The following GRIN3A variants were observed in gnomAD, a reference collection of about 807,000 sequenced individuals.
GRIN3A encodes glutamate receptor ionotropic, NMDA 3A.
Under a neutral mutation model 92.4 loss-of-function variants are expected in GRIN3A, and 47 were observed. The ratio of observed to expected loss-of-function variants is 0.51; its 90% CI spans 0.40 to 0.65. GRIN3A has a LOEUF of 0.65. Among genes scored for constraint, GRIN3A ranks in the 30% least tolerant of loss-of-function variants. The pLI is 0.00. For missense variants in GRIN3A, 1,324 were observed against 1,393.1 expected, an observed-to-expected ratio of 0.95 and a Z score of 0.79; for synonymous variants, 527 against 540.6, an observed-to-expected ratio of 0.97 and a Z score of 0.35.
intron 3 of GRIN3A, among the ~76,000 whole-genome samples, chr9:101,642,251 T>G (rs1182280164): frequency 2.0e-5 from 3 of 152,184 alleles, no homozygotes; most frequent in Non-Finnish European, 4.4e-5. Context: ...CAATAAATGA[T>G]GTTATAGAAA....
At chr9:101,656,332 G>A (rs1829088156) in intron 3 of GRIN3A, among the ~76,000 whole-genome samples, 1 of 151,940 alleles carries the variant, frequency 6.6e-6, no homozygotes, top group African/African-American at 2.4e-5. Context: ...GGCAAGCTAG[G>A]ACTCTGAGTC....
At chr9:101,649,440 G>A (rs1044254345) in intron 3 of GRIN3A, among the ~76,000 whole-genome samples, 1 of 151,944 alleles carries the variant, frequency 6.6e-6, no homozygotes, top group Non-Finnish European at 1.5e-5. Context: ...CATCCCCAGT[G>A]GTTCCCATGA....
In GRIN3A at chr9:101,573,389, C is replaced by T. The variant is rs1402121474; in HGVS notation, c.3133G>A (p.Asp1045Asn). 1 of 1,614,004 alleles carries T rather than the reference C, an allele frequency of 6.2e-7. No homozygotes were observed. The highest frequency in any genetic ancestry group is 1.3e-5 in the African/African-American group (1 of 74,998). The change falls in exon 9 of 9, where the codon GAC becomes AAC. Residue 1045 changes from aspartate to asparagine, a missense_variant. Physicochemically the swap from Asp to Asn is conservative, Grantham distance 23. Transcript: ENST00000361820. ...QNQLGIRIHQDIPLPPRRREL... is the reference protein window; with the variant it reads ...QNQLGIRIHQNIPLPPRRREL... ...CTTCTCCTTGGAGGGAGGGGGATGT[C>T]CTGGTGGATCCGGATGCCCAGCTGG...
At chr9:101,671,476 C>T (rs1245127027) in intron 2 of GRIN3A, among the ~76,000 whole-genome samples, 1 of 152,172 alleles carries the variant, frequency 6.6e-6, no homozygotes, top group Admixed American at 6.5e-5. Context: ...GCATCTTTAA[C>T]ATATCCTATT....
At chr9:101,604,374 T>A (rs536673936) in intron 6 of GRIN3A, among the ~76,000 whole-genome samples, 1 of 152,348 alleles carries the variant, frequency 6.6e-6, no homozygotes, top group East Asian at 1.9e-4. Flanking sequence ...GGCCTAATTT[T>A]ACTCCATGTC....
Position 101,671,023 on chromosome 9 carries a change from A to G in GRIN3A, c.1389T>C (p.Phe463=), listed in dbSNP as rs1353214943. The change falls in exon 3 of 9, where the codon TTT becomes TTC. Residue 463 remains phenylalanine, a synonymous_variant. Coordinates refer to ENST00000361820, the MANE Select transcript of GRIN3A (RefSeq NM_133445.3). ...GSTIVSSENN[F]FIWNLQHDPM... ...GGTCATGTTGAAGATTCCAGATGAA[A>G]AAGTTGTTTTCTGAGCTGACGATGG... 1.9e-6 allele frequency: 3 copies of G among 1,613,962 alleles called. No homozygotes were observed. Among genetic ancestry groups the G allele is most frequent in the East Asian group, 2.2e-5 (1 of 44,852 alleles).
At chr9:101,609,623 T>C (rs1261199132) in intron 6 of GRIN3A, among the ~76,000 whole-genome samples, 2 of 152,212 alleles carry the variant, frequency 1.3e-5, no homozygotes, top group South Asian at 4.1e-4. Context: ...GTGTGTTCGC[T>C]TCTGTGTGTC....
At chr9:101,691,053 G>A (rs1012844892) in intron 1 of GRIN3A, among the ~76,000 whole-genome samples, 4 of 151,966 alleles carry the variant, frequency 2.6e-5, no homozygotes, top group South Asian at 2.1e-4. Context: ...CGTATTTTTA[G>A]TTTTAAACAC....
intron 5 of GRIN3A, among the ~76,000 whole-genome samples, chr9:101,622,370 G>C (rs1828568855): frequency 6.6e-6 from 1 of 152,244 alleles, no homozygotes; most frequent in Admixed American, 6.5e-5. Context: ...GAGCATGGCT[G>C]TCTCGAGAGC....
At chr9:101,706,570 A>G (rs1446031973) in intron 1 of GRIN3A, among the ~76,000 whole-genome samples, 1 of 152,232 alleles carries the variant, frequency 6.6e-6, no homozygotes, top group Non-Finnish European at 1.5e-5. Flanking sequence ...GGAAAGACTG[A>G]CATTACTGCA....
At chr9:101,603,049 GAACAC>G (rs1828232948) in intron 6 of GRIN3A, 1 of 151,046 alleles carries the variant, frequency 6.6e-6, no homozygotes, top group African/African-American at 2.4e-5. Context: ...AGGAAAGAAA[GAACAC>G]AACACTACAA....
At chr9:101,577,539 G>T (rs1372146104) in intron 8 of GRIN3A, among the ~76,000 whole-genome samples, 1 of 152,150 alleles carries the variant, frequency 6.6e-6, no homozygotes, top group Non-Finnish European at 1.5e-5. Flanking sequence ...ACAGGATTTG[G>T]ATCCAGAGGG....
chr9:101,621,284 CAA>C (rs33962051), intron 5 of GRIN3A, among the ~76,000 whole-genome samples: 10,183 of 129,288 alleles, frequency 0.079, 466 homozygotes, highest in East Asian at 0.19. Flanking sequence ...GACTCAGTCT[CAA>C]AAAAAAAAAA....
chr9:101,686,543 ACT>A, intron 2 of GRIN3A, 51 bp downstream of exon 2: 11 of 1,596,558 alleles, frequency 6.9e-6, no homozygotes, highest in Non-Finnish European at 9.4e-6. Context: ...GGGGAATTTT[ACT>A]CTCTGTCATG....
At position 101,737,820 on chromosome 9, in the gene GRIN3A, G is replaced by A. The variant is rs1830237254; in HGVS notation, c.160C>T (p.His54Tyr). ...IGHAVRVGAV[H>Y]LQPWTTAPRA... ...GGGGCGGTGGTCCAGGGCTGCAAGT[G>A]CACCGCGCCCACCCTCACCGCGTGC... is the stretch of plus-strand genomic sequence containing the variant. The change falls in exon 1 of 9, where the codon CAC becomes TAC. Residue 54 changes from histidine (H) to tyrosine (Y), a missense_variant. Transcript: ENST00000361820. 2.6e-6 allele frequency: 4 copies of A among 1,532,028 alleles called. No individual in the cohort carries two copies. The highest frequency in any genetic ancestry group is 3.9e-5 in the Admixed American group (2 of 50,868). The allele number at this position is 1,532,028 out of a possible 1,614,324, so 94.9% of individuals were successfully genotyped here. A position where few individuals can be genotyped will look rare whatever the true frequency, so the allele number is the denominator to read the frequency against.
intron 2 of GRIN3A, among the ~76,000 whole-genome samples, chr9:101,682,864 C>A (rs910888575): frequency 6.6e-6 from 1 of 152,160 alleles, no homozygotes; most frequent in Non-Finnish European, 1.5e-5. Flanking sequence ...CGCCTGTAGT[C>A]CCAGCTACTC....
At chr9:101,577,016 A>C (rs1417058428) in intron 8 of GRIN3A, among the ~76,000 whole-genome samples, 1 of 152,226 alleles carries the variant, frequency 6.6e-6, no homozygotes, top group Admixed American at 6.5e-5. Flanking sequence ...AACCAGACCC[A>C]AGTGCTTCTG....
chr9:101,712,899 AT>A (rs1254933829), intron 1 of GRIN3A, among the ~76,000 whole-genome samples: 1 of 152,210 alleles, frequency 6.6e-6, no homozygotes, highest in African/African-American at 2.4e-5. Context: ...AGATCCTATT[AT>A]TTCTATCTTA....
At chr9:101,684,382 A>T (rs1375854373) in intron 2 of GRIN3A, among the ~76,000 whole-genome samples, 2 of 142,064 alleles carry the variant, frequency 1.4e-5, no homozygotes, top group Non-Finnish European at 3.0e-5. Flanking sequence ...AAGTGCTGGG[A>T]TTACAGGCGT....
Sources: gnomAD v4.1 joint callset for allele counts (sites outside exome capture counted in the v4.1 genomes callset) on GRCh38, gnomAD v4.1.1 for gene constraint, MANE v1.5 for transcripts, NCBI Gene and HGNC (gene_info 2026-07-23, HGNC 2026-07-21) for gene names.